CMC1: variants seen among roughly 807,000 people sequenced by gnomAD.
The protein encoded by CMC1 is C-X9-C motif containing 1.
Under a neutral mutation model 14.1 loss-of-function variants are expected in CMC1, and 14 were observed. That is an observed-to-expected ratio of 0.99 (90% CI 0.66 to 1.55). CMC1 has a LOEUF of 1.55. Among genes scored for constraint, CMC1 ranks in the 40% most tolerant of loss-of-function variants. CMC1 has a pLI of 0.00. For synonymous variants in CMC1, 50 were observed against 38.4 expected (o/e 1.30, Z -1.12); for missense variants, 127 against 123.8 (o/e 1.03, Z -0.12).
chr3:28,298,652 T>C (rs1701872019), intron 2 of CMC1, among the ~76,000 whole-genome samples: 1 of 151,962 alleles, frequency 6.6e-6, no homozygotes, highest in South Asian at 2.1e-4. Context: ...AAATCATTTC[T>C]ATTTGATTAA....
intron 1 of CMC1, among the ~76,000 whole-genome samples, chr3:28,246,333 G>T (rs1698827525): frequency 6.6e-6 from 1 of 152,172 alleles, no homozygotes; most frequent in South Asian, 2.1e-4. Flanking sequence ...CTTAAGCAAA[G>T]ACAATAAGAA....
At chr3:28,305,241 T>C (rs1200045158) in intron 2 of CMC1, among the ~76,000 whole-genome samples, 3 of 152,238 alleles carry the variant, frequency 2.0e-5, no homozygotes, top group South Asian at 2.1e-4. Flanking sequence ...TAAATCTATG[T>C]TGCTGCAAAG....
At chr3:28,253,576 G>A (rs1699245923) in intron 1 of CMC1, among the ~76,000 whole-genome samples, 1 of 151,778 alleles carries the variant, frequency 6.6e-6, no homozygotes, top group Non-Finnish European at 1.5e-5. Context: ...ATAGTATTCT[G>A]TCTCAAAAAA....
chr3:28,319,318 A>G (rs1183698550), intron 3 of CMC1, 191 bp from the exon 4 acceptor site: 5 of 629,806 alleles, frequency 7.9e-6, no homozygotes, highest in South Asian at 6.0e-5. Flanking sequence ...ACAGTGCTAT[A>G]TAAAAATGAA....
chr3:28,243,363 G>C (rs1346936736), intron 1 of CMC1, among the ~76,000 whole-genome samples: 1 of 152,036 alleles, frequency 6.6e-6, no homozygotes, highest in Non-Finnish European at 1.5e-5. Context: ...GCCTAATTAT[G>C]GTACTTCTGA....
At chr3:28,255,754 C>CACACAT in intron 1 of CMC1, among the ~76,000 whole-genome samples, 1 of 150,434 alleles carries the variant, frequency 6.6e-6, no homozygotes, top group South Asian at 2.1e-4. Context: ...CACACACACA[C>CACACAT]GCGACAGAGA....
chr3:28,250,635 C>G (rs1233171684), intron 1 of CMC1, among the ~76,000 whole-genome samples: 1 of 152,066 alleles, frequency 6.6e-6, no homozygotes, highest in Non-Finnish European at 1.5e-5. Flanking sequence ...GGTAACATAA[C>G]CACTAGGTTG....
chr3:28,262,709 CTT>C (rs1447343715), intron 1 of CMC1, among the ~76,000 whole-genome samples: 2 of 152,074 alleles, frequency 1.3e-5, no homozygotes, highest in Non-Finnish European at 2.9e-5. Flanking sequence ...TCAGGACTCT[CTT>C]AGCATTTAAG....
intron 2 of CMC1, among the ~76,000 whole-genome samples, chr3:28,282,180 A>C (rs1700932273): frequency 1.3e-5 from 2 of 152,208 alleles, no homozygotes; most frequent in South Asian, 4.1e-4. Context: ...ATACAAGACA[A>C]ATTACAAGTT....
At chr3:28,280,511 A>G (rs765273683) in intron 2 of CMC1, among the ~76,000 whole-genome samples, 3 of 152,210 alleles carry the variant, frequency 2.0e-5, no homozygotes, top group Non-Finnish European at 4.4e-5. Flanking sequence ...ATTTTGGAAA[A>G]GCAGGTATTT....
intron 2 of CMC1, among the ~76,000 whole-genome samples, chr3:28,297,814 G>C (rs944826098): frequency 2.0e-5 from 3 of 151,990 alleles, no homozygotes; most frequent in African/African-American, 7.2e-5. Context: ...AGTAACAGCT[G>C]TACCTTTAAA....
intron 2 of CMC1, among the ~76,000 whole-genome samples, chr3:28,307,152 T>G (rs1332268926): frequency 1.3e-5 from 2 of 152,220 alleles, no homozygotes; most frequent in African/African-American, 2.4e-5. Context: ...GAAAGAGTAC[T>G]GCGTTGCCCT....
chr3:28,248,966 A>G (rs1698985189), intron 1 of CMC1, among the ~76,000 whole-genome samples: 1 of 151,760 alleles, frequency 6.6e-6, no homozygotes, highest in South Asian at 2.1e-4. Context: ...ATTTTTTTGT[A>G]TTTTTAGTAG....
At chr3:28,254,329 AT>A (rs1699286528) in intron 1 of CMC1, among the ~76,000 whole-genome samples, 1 of 152,208 alleles carries the variant, frequency 6.6e-6, no homozygotes, top group African/African-American at 2.4e-5. Flanking sequence ...AAAAATTATA[AT>A]TAATAAATCA....
At chr3:28,278,113 A>G (rs1182394364) in intron 2 of CMC1, among the ~76,000 whole-genome samples, 6 of 101,392 alleles carry the variant, frequency 5.9e-5, no homozygotes, top group Non-Finnish European at 1.2e-4. Flanking sequence ...ATGATGGTGG[A>G]CTGGAGGGGT....
intron 1 of CMC1, among the ~76,000 whole-genome samples, chr3:28,255,722 TACACACACAC>T (rs372487968): frequency 5.5e-5 from 8 of 144,266 alleles, no homozygotes; most frequent in South Asian, 2.2e-4. Flanking sequence ...TACATGTACA[TACACACACAC>T]ACACACACAC....
intron 1 of CMC1, among the ~76,000 whole-genome samples, chr3:28,258,872 C>T (rs1190962024): frequency 6.6e-6 from 1 of 151,986 alleles, no homozygotes; most frequent in Non-Finnish European, 1.5e-5. Flanking sequence ...ATCCGCCCGC[C>T]TCGGCCTCCC....
chr3:28,310,436 G>A (rs2125599085), intron 2 of CMC1, among the ~76,000 whole-genome samples: 1 of 152,302 alleles, frequency 6.6e-6, no homozygotes, highest in African/African-American at 2.4e-5. Flanking sequence ...CTTAAATATT[G>A]TAATTTATTG....
intron 2 of CMC1, among the ~76,000 whole-genome samples, chr3:28,301,022 C>T (rs1702017676): frequency 6.7e-6 from 1 of 149,544 alleles, no homozygotes; most frequent in South Asian, 2.1e-4. Flanking sequence ...TATCAGTGTG[C>T]TATTTTTTTT....
Sources: allele counts gnomAD v4.1 joint callset (sites outside exome capture counted in the v4.1 genomes callset), GRCh38; gene constraint gnomAD v4.1.1; transcripts MANE v1.5; gene names NCBI Gene and HGNC (gene_info 2026-07-23, HGNC 2026-07-21).